The following NCF4 variants were observed in gnomAD, a reference collection of about 807,000 sequenced individuals.
The protein encoded by NCF4 is neutrophil cytosolic factor 4, also known as neutrophil cytosol factor 4.
NCF4 carries 30 observed loss-of-function variants against 41.7 expected under a neutral mutation model. The observed-to-expected ratio is 0.72, with a 90% CI of 0.54 to 0.97. The LOEUF is 0.97. Ranked by LOEUF, NCF4 falls within the 50% of genes least tolerant of loss-of-function variation. The probability of loss-of-function intolerance (pLI) is 0.00; values close to 1 mark genes in which losing one functional copy is unlikely to be tolerated. For synonymous variants in NCF4, 195 were observed against 175.8 expected, an observed-to-expected ratio of 1.11 and a Z score of -0.87; for missense variants, 432 against 460.9, an observed-to-expected ratio of 0.94 and a Z score of 0.57.
At chr22:36,864,543 G>A (rs1305616545) in intron 2 of NCF4, among the ~76,000 whole-genome samples, 1 of 152,106 alleles carries the variant, frequency 6.6e-6, no homozygotes, top group African/African-American at 2.4e-5. Context: ...AGACACAGAT[G>A]GAGGGGGCAT....
At chr22:36,868,209 C>T (rs150326937) in intron 4 of NCF4, among the ~76,000 whole-genome samples, 3 of 152,348 alleles carry the variant, frequency 2.0e-5, no homozygotes, top group African/African-American at 7.2e-5. Flanking sequence ...AGCTGGCAAG[C>T]GAAGCCCTCC....
intron 5 of NCF4, 55 bp downstream of exon 5, chr22:36,870,597 A>G (rs1048631001): frequency 9.4e-6 from 15 of 1,595,244 alleles, no homozygotes; most frequent in Non-Finnish European, 1.2e-5. Context: ...TCCCTGCTGG[A>G]AAAGCATCTC....
intron 5 of NCF4, 149 bp from the exon 6 acceptor site, chr22:36,871,503 G>A (rs1249131193): frequency 2.5e-5 from 21 of 854,774 alleles, no homozygotes; most frequent in South Asian, 1.0e-4. Flanking sequence ...AAGTGTGCCC[G>A]CCCAGAGGAG....
At chr22:36,867,101 A>T (rs1278495455) in intron 3 of NCF4, among the ~76,000 whole-genome samples, 1 of 126,364 alleles carries the variant, frequency 7.9e-6, no homozygotes, top group Non-Finnish European at 1.6e-5. Flanking sequence ...CTCTCTTAGA[A>T]CTAAGAGTCG....
chr22:36,873,284 G>A (rs1360687017), intron 7 of NCF4, among the ~76,000 whole-genome samples: 1 of 150,966 alleles, frequency 6.6e-6, no homozygotes, highest in East Asian at 2.0e-4. Context: ...GGTGAGTTTG[G>A]AGTTGAGGAT....
Position 36,877,709 on chromosome 22 carries a change from C to T in NCF4, c.906C>T (p.Asp302=), listed in dbSNP as rs567611718. The T allele has an allele frequency of 1.2e-4, 195 of 1,614,144 alleles. 6 individuals are homozygous for T. In the South Asian group the frequency reaches 1.5e-3, roughly 13 times the overall value. Residue 302 remains aspartate, a synonymous_variant, in exon 10 of 10, where the codon GAC becomes GAT. Coordinates refer to ENST00000248899, the MANE Select transcript of NCF4 (RefSeq NM_000631.5). The stretch of plus-strand genomic sequence containing the variant: ...TGGTTCGGCTGCTGTCGGATGAGGA[C>T]GTAGCGCTCATGGTGCGGCAGGCTC... ...GDLVRLLSDE[D]VALMVRQARG...
chr22:36,870,192 G>C, intron 4 of NCF4: 1 of 626,034 alleles, frequency 1.6e-6, no homozygotes. Context: ...TCAAGCCCCT[G>C]GTCCCTCTCC....
intron 1 of NCF4, 48 bp downstream of exon 1, chr22:36,861,251 T>C (rs1601543732): frequency 6.5e-7 from 1 of 1,546,522 alleles, no homozygotes; most frequent in Non-Finnish European, 8.8e-7. Flanking sequence ...CTGCTCCTCA[T>C]AGGCCTTAGG....
At chr22:36,872,258 T>A (rs1231076005) in intron 6 of NCF4, 69 bp from the exon 7 acceptor site, 1 of 1,208,732 alleles carries the variant, frequency 8.3e-7, no homozygotes, top group African/African-American at 1.5e-5. Flanking sequence ...GACTAAAGTA[T>A]GTAAGGCACT....
Position 36,872,036 on chromosome 22 carries a change from C to T in NCF4, c.529-291C>T. 6.0e-6 allele frequency: 4 copies of T among 667,900 alleles called. No individual in the cohort carries two copies. In the South Asian group the frequency reaches 6.6e-5, roughly 11 times the overall value. 41.4% of individuals were successfully genotyped at this position (667,900 alleles called of 1,614,324 possible). ...GAGATGACTCAGACAAGGCCCAGCC[C>T]ACGATGAAGCCTGGGGACCAGGGTG... is the stretch of plus-strand genomic sequence containing the variant. On this transcript the variant is annotated intron_variant, in intron 6 of 9. Transcript: ENST00000248899.
At chr22:36,876,158 G>A in intron 9 of NCF4, 64 bp downstream of exon 9, 1 of 1,436,680 alleles carries the variant, frequency 7.0e-7, no homozygotes, top group Non-Finnish European at 9.4e-7. Flanking sequence ...AGGGAGAAAT[G>A]TTAAGCACTA....
At chr22:36,876,807 A>T (rs1280145101) in intron 9 of NCF4, among the ~76,000 whole-genome samples, 3 of 152,178 alleles carry the variant, frequency 2.0e-5, no homozygotes, top group Non-Finnish European at 4.4e-5. Context: ...CCTTTGAATG[A>T]TTTTCAAGAA....
At chr22:36,861,306 TG>T (rs1312333306) in intron 1 of NCF4, 103 bp downstream of exon 1, 93 of 1,423,086 alleles carry the variant, frequency 6.5e-5, no homozygotes, top group Non-Finnish European at 8.4e-5. Flanking sequence ...CATGAGAGGC[TG>T]GGGTTGAGTC....
At chr22:36,877,348 G>C (rs1455578525) in intron 9 of NCF4, among the ~76,000 whole-genome samples, 3 of 152,040 alleles carry the variant, frequency 2.0e-5, no homozygotes, top group African/African-American at 7.3e-5. Flanking sequence ...TGTTGGCCAG[G>C]CTGGTCTTGA....
At chr22:36,870,296 A>G (rs1940022068) in intron 4 of NCF4, 119 bp from the exon 5 acceptor site, 2 of 1,378,472 alleles carry the variant, frequency 1.5e-6, no homozygotes, top group Non-Finnish European at 2.0e-6. Flanking sequence ...GTTATCAGGC[A>G]TCATGCATTA....
rs539854681 is a variant in NCF4 at position 36,867,343 on chromosome 22, G to A, written c.272-49G>A. The stretch of plus-strand genomic sequence containing the variant: ...GCCTGTAGGGGCAGCCCTGAGCCCC[G>A]GGGCCATGTTGGGCCAGGCTCCTAG... On this transcript the variant is annotated intron_variant, in intron 3 of 9. Coordinates refer to ENST00000248899, the MANE Select transcript of NCF4 (RefSeq NM_000631.5). 22 of 1,604,498 alleles carry A rather than the reference G, an allele frequency of 1.4e-5. No individual in the cohort carries two copies. The East Asian group carries it at 1.8e-4, about 13-fold the overall frequency.
chr22:36,866,947 G>A (rs756407737), intron 3 of NCF4, among the ~76,000 whole-genome samples: 13 of 152,150 alleles, frequency 8.5e-5, no homozygotes, highest in African/African-American at 2.4e-4. Context: ...TCCTGCCCCC[G>A]GAGATTCTGA....
chr22:36,867,646 A>G (rs576755236), intron 4 of NCF4, among the ~76,000 whole-genome samples, 184 bp downstream of exon 4: 274 of 152,304 alleles, frequency 1.8e-3, no homozygotes, highest in African/African-American at 2.6e-3. Context: ...AGGGTTCCAG[A>G]GATAGGAGCA....
chr22:36,873,119 G>T (rs1484460737), intron 7 of NCF4, among the ~76,000 whole-genome samples: 1 of 149,990 alleles, frequency 6.7e-6, no homozygotes, highest in Non-Finnish European at 1.5e-5. Flanking sequence ...GGTGAGCGTG[G>T]AGGTGAGATT....
Sources: allele counts gnomAD v4.1 joint callset (sites outside exome capture counted in the v4.1 genomes callset), GRCh38; gene constraint gnomAD v4.1.1; transcripts MANE v1.5; gene names NCBI Gene and HGNC (gene_info 2026-07-23, HGNC 2026-07-21).